Variants in SFTPA1 observed in about 807,000 individuals in gnomAD.
The protein encoded by SFTPA1 is surfactant protein A1, also known as pulmonary surfactant-associated protein A1.
In SFTPA1, 13 loss-of-function variants were observed where a neutral mutation model predicts 19.1. The observed-to-expected ratio is 0.68, with a 90% CI of 0.44 to 1.08. The LOEUF is 1.08. Among genes scored for constraint, SFTPA1 ranks in the 50% least tolerant of loss-of-function variants. The probability of loss-of-function intolerance (pLI) is 0.00; values close to 1 mark genes in which losing one functional copy is unlikely to be tolerated. For missense variants in SFTPA1, 259 were observed against 316.4 expected (o/e 0.82, Z 1.38); for synonymous variants, 101 against 117.0 (o/e 0.86, Z 0.88).
chr10:79,614,645 G>GA lies in SFTPA1; in HGVS notation c.*532_*533insA. The GA allele has an allele frequency of 3.8e-6, 1 of 261,856 alleles. No homozygotes were observed. Among genetic ancestry groups the GA allele is most frequent in the Non-Finnish European group, 7.5e-6 (1 of 133,270 alleles). 16.2% of individuals were successfully genotyped at this position (261,856 alleles called of 1,614,324 possible). A position where few individuals can be genotyped will look rare whatever the true frequency, so the allele number is the denominator to read the frequency against. ...CTGGCACTCTGAGGTCTCTGTGGCA[G>GA]GCCTGGTCAGGCTCTCCATGAGGTT... On this transcript the variant is annotated 3_prime_UTR_variant, in exon 6 of 6. Coordinates refer to ENST00000398636, the MANE Select transcript of SFTPA1 (RefSeq NM_005411.5).
chr10:79,612,310 A>T lies in SFTPA1; in HGVS notation c.173-2A>T. 1 of 1,613,856 alleles carries T rather than the reference A, an allele frequency of 6.2e-7. No homozygotes were observed. Among genetic ancestry groups the T allele is most frequent in the Non-Finnish European group, 8.5e-7 (1 of 1,179,864 alleles). The stretch of plus-strand genomic sequence containing the variant: ...ACACATCCATGTCTCTTTTCTCTGC[A>T]GGCCCCATGGGTCCACCTGGAGAAA... On this transcript the variant is annotated splice_acceptor_variant, in intron 3 of 5. Transcript: ENST00000398636. LOFTEE classifies it high-confidence loss of function.
rs369165505 is a variant in SFTPA1, at chr10:79,614,003, C to G, written c.637C>G (p.Arg213Gly). Residue 213 changes from arginine to glycine, a missense_variant, in exon 6 of 6, where the codon CGA becomes GGA. Physicochemically the swap from Arg to Gly is moderately radical, Grantham distance 125. Coordinates refer to ENST00000398636, the MANE Select transcript of SFTPA1 (RefSeq NM_005411.5). ...CCCTGTAAACTACACCAACTGGTAC[C>G]GAGGGGAGCCCGCAGGTCGGGGAAA... ...GTPVNYTNWY[R>G]GEPAGRGKEQ... The G allele has an allele frequency of 1.9e-6, 3 of 1,614,194 alleles. No homozygotes were observed. Among genetic ancestry groups the G allele is most frequent in the Non-Finnish European group, 2.5e-6 (3 of 1,180,020 alleles).
Position 79,615,211 on chromosome 10 carries a change from T to C in SFTPA1, c.*1098T>C. The C allele has an allele frequency of 1.7e-6, 1 of 584,042 alleles. No homozygotes were observed. The highest frequency in any genetic ancestry group is 1.9e-5 in the South Asian group (1 of 51,442). 36.2% of individuals were successfully genotyped at this position (584,042 alleles called of 1,614,324 possible). On this transcript the variant is annotated 3_prime_UTR_variant, in exon 6 of 6. Transcript: ENST00000398636. ...TGACAAGCACTTCTAATACAGCATA[T>C]TATGTACTATTCAATCTTTACACAA...
At chr10:79,612,644 G>A (rs1384556299) in intron 4 of SFTPA1, among the ~76,000 whole-genome samples, 1 of 152,084 alleles carries the variant, frequency 6.6e-6, no homozygotes, top group South Asian at 2.1e-4. Flanking sequence ...GAAGTCCTCC[G>A]TGCCTCATGA....
chr10:79,614,118 C>A lies in SFTPA1; in HGVS notation c.*5C>A. ...CTGACCATCTGTGAGTTCTGAGAGG[C>A]ATTTAGGCCATGGGACAGGGAGGAC... On this transcript the variant is annotated 3_prime_UTR_variant, in exon 6 of 6. Coordinates refer to ENST00000398636, the MANE Select transcript of SFTPA1 (RefSeq NM_005411.5). 3 of 1,614,242 alleles carry A rather than the reference C, an allele frequency of 1.9e-6. No homozygotes were observed. In the South Asian group the frequency reaches 3.3e-5, roughly 18 times the overall value.
At position 79,614,434 on chromosome 10, in the gene SFTPA1, C is replaced by T; in HGVS notation, c.*321C>T. ...CAGTTCCTTCACTTACAGATGGCAGCAGTGAGGTCTTGGGGTAGAAGGACC... is the reference window on the plus strand; with the variant it reads ...CAGTTCCTTCACTTACAGATGGCAGTAGTGAGGTCTTGGGGTAGAAGGACC... On this transcript the variant is annotated 3_prime_UTR_variant, in exon 6 of 6. Coordinates refer to ENST00000398636, the MANE Select transcript of SFTPA1 (RefSeq NM_005411.5). The T allele has an allele frequency of 4.9e-6, 2 of 412,050 alleles. No homozygotes were observed. Among genetic ancestry groups the T allele is most frequent in the Non-Finnish European group, 9.1e-6 (2 of 220,368 alleles). The allele number at this position is 412,050 out of a possible 1,614,324, so 25.5% of individuals were successfully genotyped here.
At position 79,615,068 on chromosome 10, in the gene SFTPA1, A is replaced by G. The variant is rs372482366; in HGVS notation, c.*955A>G. 21 of 1,305,182 alleles carry G rather than the reference A, an allele frequency of 1.6e-5. No individual in the cohort carries two copies. The African/African-American group carries it at 2.7e-4, about 17-fold the overall frequency. 80.9% of individuals were successfully genotyped at this position (1,305,182 alleles called of 1,614,324 possible). ...CTTATGTCTTCATCTGTGAAATGGG[A>G]ATAAGATACTTGTTGCTGTCACAGT... On this transcript the variant is annotated 3_prime_UTR_variant, in exon 6 of 6. Transcript: ENST00000398636.
At chr10:79,612,198 G>A (rs1382578169) in intron 3 of SFTPA1, 114 bp from the exon 4 acceptor site, 23 of 1,606,538 alleles carry the variant, frequency 1.4e-5, no homozygotes, top group Middle Eastern at 2.1e-4. Context: ...TAGTGCCCAC[G>A]GAGTGATAGA....
At chr10:79,613,104 A>G (rs1859958905) in intron 4 of SFTPA1, 85 bp from the exon 5 acceptor site, 2 of 1,611,546 alleles carry the variant, frequency 1.2e-6, no homozygotes, top group Non-Finnish European at 1.7e-6. Context: ...GAGTTCCAGG[A>G]TTGCAGATGG....
At position 79,613,999 on chromosome 10, in the gene SFTPA1, G is replaced by A. The variant is rs1860021165; in HGVS notation, c.633G>A (p.Trp211Ter). 2 of 1,614,234 alleles carry A rather than the reference G, an allele frequency of 1.2e-6. No homozygotes were observed. The highest frequency in any genetic ancestry group is 1.7e-6 in the Non-Finnish European group (2 of 1,180,042). ...GGACCCCTGTAAACTACACCAACTG[G>A]TACCGAGGGGAGCCCGCAGGTCGGG... ...SDGTPVNYTN[W>*]YRGEPAGRGK... Residue 211 changes from tryptophan to a stop codon, truncating the protein, a stop_gained, in exon 6 of 6, where the codon TGG becomes TGA. Transcript: ENST00000398636. LOFTEE classifies it high-confidence loss of function.
chr10:79,612,179 C>T, intron 3 of SFTPA1, 133 bp from the exon 4 acceptor site: 1 of 1,601,074 alleles, frequency 6.2e-7, no homozygotes, highest in Non-Finnish European at 8.5e-7. Flanking sequence ...CCTGGAGAGT[C>T]TGTCCTCATA....
intron 4 of SFTPA1, among the ~76,000 whole-genome samples, chr10:79,612,817 A>G (rs4253517): frequency 0.52 from 79,123 of 151,734 alleles, 21,155 homozygotes; most frequent in Non-Finnish European, 0.59. Context: ...ACAGAGGGGA[A>G]CTTTGAAGCT....
intron 5 of SFTPA1, 104 bp downstream of exon 5, chr10:79,613,370 T>C (rs1859982401): frequency 6.5e-7 from 1 of 1,529,638 alleles, no homozygotes; most frequent in South Asian, 1.1e-5. Flanking sequence ...GGCATGCACA[T>C]GCAGGTCTTG....
chr10:79,615,092 G>A lies in SFTPA1; in HGVS notation c.*979G>A, dbSNP rs1373903001. Reference sequence around the variant, plus strand: ...GAATAAGATACTTGTTGCTGTCACAGTTATTACCATCCCCCCAGCTACCAA... The same window carrying A: ...GAATAAGATACTTGTTGCTGTCACAATTATTACCATCCCCCCAGCTACCAA... On this transcript the variant is annotated 3_prime_UTR_variant, in exon 6 of 6. Coordinates refer to ENST00000398636, the MANE Select transcript of SFTPA1 (RefSeq NM_005411.5). The A allele has an allele frequency of 7.7e-7, 1 of 1,305,076 alleles. No individual in the cohort carries two copies. Among genetic ancestry groups the A allele is most frequent in the Non-Finnish European group, 1.0e-6 (1 of 988,838 alleles). The allele number at this position is 1,305,076 out of a possible 1,614,324, so 80.8% of individuals were successfully genotyped here.
chr10:79,613,161 C>T, intron 4 of SFTPA1, 28 bp from the exon 5 acceptor site: 1 of 1,613,932 alleles, frequency 6.2e-7, no homozygotes, highest in Non-Finnish European at 8.5e-7. Context: ...TGGCCTGCCC[C>T]TCCTTCTGTG....
chr10:79,611,482 T>C (rs1859842677), intron 2 of SFTPA1, 93 bp downstream of exon 2: 3 of 1,214,232 alleles, frequency 2.5e-6, no homozygotes, highest in African/African-American at 3.1e-5. Flanking sequence ...GAAGCCAGTT[T>C]CCCAGGGTAA....
At chr10:79,611,134 C>T (rs571545769) in intron 1 of SFTPA1, among the ~76,000 whole-genome samples, 152 bp downstream of exon 1, 12 of 152,202 alleles carry the variant, frequency 7.9e-5, no homozygotes, top group Non-Finnish European at 1.5e-4. Context: ...GCACAGTCAA[C>T]ATAGGTGACC....
In SFTPA1 at chr10:79,613,739, C is replaced by T. The variant is rs1214311771; in HGVS notation, c.373C>T (p.Leu125Phe). Residue 125 changes from leucine to phenylalanine, a missense_variant and splice_region_variant, in exon 6 of 6, where the codon CTC becomes TTC. Transcript: ENST00000398636. ...RHQILQTRGA[L>F]SLQGSIMTVG... is the part of the protein sequence containing the mutation. The stretch of plus-strand genomic sequence containing the variant: ...GACCCGGACTCCTCTGCTCTCAGCC[C>T]TCAGTCTGCAGGGCTCCATAATGAC... 1.2e-6 allele frequency: 2 copies of T among 1,613,960 alleles called. No individual in the cohort carries two copies. Among genetic ancestry groups the T allele is most frequent in the East Asian group, 2.2e-5 (1 of 44,876 alleles).
chr10:79,611,753 G>A, intron 2 of SFTPA1, 50 bp from the exon 3 acceptor site: 4 of 1,613,230 alleles, frequency 2.5e-6, no homozygotes, highest in Non-Finnish European at 3.4e-6. Context: ...GCACAGTGGG[G>A]GAGATGTTGG....
Sources: allele counts gnomAD v4.1 joint callset (sites outside exome capture counted in the v4.1 genomes callset), GRCh38; gene constraint gnomAD v4.1.1; transcripts MANE v1.5; gene names NCBI Gene and HGNC (gene_info 2026-07-23, HGNC 2026-07-21).